The following PAX7 variants were observed in gnomAD, a reference collection of about 807,000 sequenced individuals.
PAX7 encodes the protein paired box protein Pax-7.
PAX7 carries 18 observed loss-of-function variants against 50.7 expected under a neutral mutation model. The ratio of observed to expected loss-of-function variants is 0.36; its 90% confidence interval spans 0.25 to 0.53. PAX7 has a LOEUF of 0.53. PAX7 is among the 20% of genes least tolerant of loss of function. The pLI is 0.93. For synonymous variants in PAX7, 310 were observed against 290.4 expected (o/e 1.07, Z -0.69); for missense variants, 644 against 702.9 (o/e 0.92, Z 0.95).
At chr1:18,677,509 C>G (rs1389635131) in intron 4 of PAX7, among the ~76,000 whole-genome samples, 1 of 152,166 alleles carries the variant, frequency 6.6e-6, no homozygotes, top group Non-Finnish European at 1.5e-5. Context: ...TGGTGAACAC[C>G]TGTTGGGCAC....
intron 7 of PAX7, among the ~76,000 whole-genome samples, chr1:18,716,417 C>G (rs2089420747): frequency 6.6e-6 from 1 of 152,188 alleles, no homozygotes; most frequent in African/African-American, 2.4e-5. Context: ...CTCCTCCAGC[C>G]ATTCGTGCCT....
chr1:18,694,305 CA>C (rs1157794890), intron 5 of PAX7, among the ~76,000 whole-genome samples: 1 of 151,676 alleles, frequency 6.6e-6, no homozygotes, highest in Non-Finnish European at 1.5e-5. Context: ...ACTAAAAATA[CA>C]AAATTAGCCG....
chr1:18,658,955 C>T lies in PAX7; in HGVS notation c.586+22584C>T, dbSNP rs1054915965. On this transcript the variant is annotated intron_variant, in intron 4 of 8. Coordinates refer to ENST00000420770, the MANE Select transcript of PAX7 (RefSeq NM_001135254.2). Reference sequence around the variant, plus strand: ...GTGTGCATATGTGTGTGTGCATGCACGTATATGTGTGTGTGTACACATATG... The same window carrying T: ...GTGTGCATATGTGTGTGTGCATGCATGTATATGTGTGTGTGTACACATATG... Among the ~76,000 whole-genome samples, 16 of 152,042 alleles carry T rather than the reference C, an allele frequency of 1.1e-4. No individual in the cohort carries two copies. In the South Asian group the frequency reaches 1.2e-3, roughly 12 times the overall value.
rs1326822758 is a variant in PAX7 at position 18,631,700 on chromosome 1, C to T, written c.85+12C>T. 1.2e-6 allele frequency: 2 copies of T among 1,606,640 alleles called. No homozygotes were observed. Among genetic ancestry groups the T allele is most frequent in the South Asian group, 1.1e-5 (1 of 89,752 alleles). On this transcript the variant is annotated intron_variant, in intron 1 of 8. Transcript: ENST00000420770. The stretch of plus-strand genomic sequence containing the variant: ...ATTCCCTTTGGAAGGTAAGAACGCC[C>T]AGGCTGGCCTCGCCGCGACTCCGCC...
intron 7 of PAX7, among the ~76,000 whole-genome samples, chr1:18,725,999 C>CGCGCGT (rs1553142966): frequency 8.6e-6 from 1 of 116,006 alleles, no homozygotes; most frequent in Non-Finnish European, 1.9e-5. Context: ...TGTGTGCGCG[C>CGCGCGT]GCGCGCGTGC....
At position 18,636,377 on chromosome 1, in the gene PAX7, G is replaced by C; in HGVS notation, c.586+6G>C. 1.9e-6 allele frequency: 3 copies of C among 1,614,006 alleles called. No homozygotes were observed. The highest frequency in any genetic ancestry group is 2.5e-6 in the Non-Finnish European group (3 of 1,179,888). On this transcript the variant is annotated splice_donor_region_variant and intron_variant, in intron 4 of 8. Coordinates refer to ENST00000420770, the MANE Select transcript of PAX7 (RefSeq NM_001135254.2). The surrounding 1 kb of genome is among the most constrained non-coding windows in gnomAD (Gnocchi z 5.1). ...CGGCATCCTGGGCGACAAAGGTAGGGAACTTCCCTGGGCTGCGAGGCCCCA... is the reference window on the plus strand; with the variant it reads ...CGGCATCCTGGGCGACAAAGGTAGGCAACTTCCCTGGGCTGCGAGGCCCCA...
At chr1:18,645,670 G>T (rs1177365067) in intron 4 of PAX7, among the ~76,000 whole-genome samples, 1 of 152,204 alleles carries the variant, frequency 6.6e-6, no homozygotes. Flanking sequence ...TGTTTGTGCG[G>T]TGTGTTCTGA....
chr1:18,700,848 C>T lies in PAX7; in HGVS notation c.952+30C>T. On this transcript the variant is annotated intron_variant, in intron 6 of 8. Coordinates refer to ENST00000420770, the MANE Select transcript of PAX7 (RefSeq NM_001135254.2). This position sits in a 1 kb window ranked among gnomAD's most constrained non-coding sequence, Gnocchi z 4.8. The stretch of plus-strand genomic sequence containing the variant: ...GTGTCTTGGCCCCGTCCTGCCATCT[C>T]AGTGGTGCCCCTTCCCTTCTTTCTT... 2 of 1,380,606 alleles carry T rather than the reference C, an allele frequency of 1.4e-6. No individual in the cohort carries two copies. The highest frequency in any genetic ancestry group is 1.9e-6 in the Non-Finnish European group (2 of 1,057,328). 85.5% of individuals were successfully genotyped at this position (1,380,606 alleles called of 1,614,324 possible). A position where few individuals can be genotyped will look rare whatever the true frequency, so the allele number is the denominator to read the frequency against.
At chr1:18,684,511 C>T (rs754774993) in intron 4 of PAX7, among the ~76,000 whole-genome samples, 8 of 152,210 alleles carry the variant, frequency 5.3e-5, no homozygotes, top group Non-Finnish European at 1.2e-4. Flanking sequence ...GCCCGAGCCC[C>T]GTACACCGTG....
intron 7 of PAX7, among the ~76,000 whole-genome samples, chr1:18,706,287 C>T (rs1464181644): frequency 6.6e-6 from 1 of 152,108 alleles, no homozygotes; most frequent in Non-Finnish European, 1.5e-5. Flanking sequence ...CCAACAGGAC[C>T]GGCTTCTCTA....
intron 4 of PAX7, among the ~76,000 whole-genome samples, chr1:18,638,152 C>G (rs1391390052): frequency 6.6e-6 from 1 of 152,192 alleles, no homozygotes; most frequent in Non-Finnish European, 1.5e-5. Context: ...TTTGGTTTTC[C>G]TTGGAGAGAC....
intron 7 of PAX7, among the ~76,000 whole-genome samples, chr1:18,711,494 AG>A (rs2089351351): frequency 6.6e-6 from 1 of 151,842 alleles, no homozygotes; most frequent in Non-Finnish European, 1.5e-5. Context: ...ACAATGCTTG[AG>A]TTGGTTTCCT....
Position 18,670,287 on chromosome 1 carries a change from T to C in PAX7, c.587-21467T>C, listed in dbSNP as rs190400467. On this transcript the variant is annotated intron_variant, in intron 4 of 8. Transcript: ENST00000420770. ...GTGTCCAGCAAATGATCCCAACTAT[T>C]GTAAAATCAATTATTTGCATGGGTG... Among the ~76,000 whole-genome samples, 42 of 152,252 alleles carry C rather than the reference T, an allele frequency of 2.8e-4. 1 individual carries two copies. The East Asian group carries it at 7.9e-3, about 29-fold the overall frequency.
chr1:18,714,725 C>T (rs1026922356), intron 7 of PAX7, among the ~76,000 whole-genome samples: 20 of 152,198 alleles, frequency 1.3e-4, no homozygotes, highest in African/African-American at 4.8e-4. Context: ...CCAGGGGAGT[C>T]ACAGCCTCCA....
rs998672685 is a variant in PAX7 at position 18,746,759 on chromosome 1, G to C, written c.*1830G>C. ...GGAAGCTGGGTTGGCAAGATTCTAGGACACTCACCTGCATGGACATCACCT... is the reference window on the plus strand; with the variant it reads ...GGAAGCTGGGTTGGCAAGATTCTAGCACACTCACCTGCATGGACATCACCT... On this transcript the variant is annotated 3_prime_UTR_variant, in exon 9 of 9. Coordinates refer to ENST00000420770, the MANE Select transcript of PAX7 (RefSeq NM_001135254.2). The C allele has an allele frequency of 4.3e-6, 1 of 231,918 alleles. No individual in the cohort carries two copies. Among genetic ancestry groups the C allele is most frequent in the African/African-American group, 2.2e-5 (1 of 45,236 alleles). 14.4% of individuals were successfully genotyped at this position (231,918 alleles called of 1,614,324 possible). A position where few individuals can be genotyped will look rare whatever the true frequency, so the allele number is the denominator to read the frequency against.
At chr1:18,689,650 A>G (rs945121851) in intron 4 of PAX7, among the ~76,000 whole-genome samples, 9 of 152,182 alleles carry the variant, frequency 5.9e-5, no homozygotes, top group Admixed American at 5.2e-4. Flanking sequence ...GGCCCAGGGC[A>G]GAGAGGCATT....
intron 7 of PAX7, among the ~76,000 whole-genome samples, chr1:18,714,863 A>G (rs1451564141): frequency 6.6e-6 from 1 of 152,212 alleles, no homozygotes; most frequent in Non-Finnish European, 1.5e-5. Context: ...GAATGCAAAT[A>G]GTGGATCTGT....
chr1:18,675,134 A>G (rs1307969352), intron 4 of PAX7, among the ~76,000 whole-genome samples: 2 of 152,136 alleles, frequency 1.3e-5, no homozygotes, highest in Non-Finnish European at 2.9e-5. Flanking sequence ...TCCTCTTCCC[A>G]CGAGATGATT....
chr1:18,697,787 C>A (rs1489500794), intron 5 of PAX7, among the ~76,000 whole-genome samples: 1 of 152,180 alleles, frequency 6.6e-6, no homozygotes, highest in Non-Finnish European at 1.5e-5. Context: ...CTCCTCTGAG[C>A]TCCTTACCCA....
Sources: allele counts gnomAD v4.1 joint callset (sites outside exome capture counted in the v4.1 genomes callset), GRCh38; gene constraint gnomAD v4.1.1; non-coding constraint Gnocchi (gnomAD v3.1); transcripts MANE v1.5; gene names NCBI Gene and HGNC (gene_info 2026-07-23, HGNC 2026-07-21).